Variants in NADK2 observed in about 807,000 individuals in gnomAD.
NADK2 encodes NAD kinase domain-containing protein 1, mitochondrial.
In NADK2, 35 loss-of-function variants were observed where a neutral mutation model predicts 62.1. That is an observed-to-expected ratio of 0.56 (90% CI 0.43 to 0.75). NADK2 has a LOEUF of 0.75. NADK2 is among the 30% of genes least tolerant of loss of function. The pLI is 0.00. For synonymous variants in NADK2, 205 were observed against 207.9 expected (o/e 0.99, Z 0.12); for missense variants, 439 against 561.3 (o/e 0.78, Z 2.20).
At chr5:36,209,205 C>G (rs1293716791) in intron 7 of NADK2, among the ~76,000 whole-genome samples, 1 of 152,058 alleles carries the variant, frequency 6.6e-6, no homozygotes, top group Non-Finnish European at 1.5e-5. Context: ...CATCAAAGAA[C>G]ACAAAAAGCA....
rs761705765 is a variant in NADK2, at chr5:36,195,196, G to A, written c.1277C>T (p.Ser426Leu). ...CTCATCTTCTTTATTGATCATCATC[G>A]AAGCAATTGCACCATCATTAAACTC... The part of the protein sequence containing the change: ...SFEFNDGAIA[S>L]MMINKEDELR... Residue 426 changes from serine to leucine, a missense_variant, in exon 12 of 12, where the codon TCG becomes TTG. By Grantham distance (145) the Ser-to-Leu change is moderately radical. Coordinates refer to ENST00000381937, the MANE Select transcript of NADK2 (RefSeq NM_001085411.3). 66 of 1,612,966 alleles carry A rather than the reference G, an allele frequency of 4.1e-5. No individual in the cohort carries two copies. Among genetic ancestry groups the A allele is most frequent in the Non-Finnish European group, 4.9e-5 (58 of 1,179,606 alleles).
intron 7 of NADK2, chr5:36,208,491 A>T: frequency 1.6e-6 from 1 of 624,960 alleles, no homozygotes; most frequent in Admixed American, 2.9e-5. Context: ...AAGTACAGTC[A>T]GGTGAGAGAT....
chr5:36,235,033 G>A (rs1424031246), intron 1 of NADK2, among the ~76,000 whole-genome samples: 1 of 152,028 alleles, frequency 6.6e-6, no homozygotes, highest in Admixed American at 6.5e-5. Context: ...GTTAGCAGGG[G>A]CTCAAAAAAC....
chr5:36,240,189 C>A (rs542966787), intron 1 of NADK2, among the ~76,000 whole-genome samples: 2 of 152,228 alleles, frequency 1.3e-5, no homozygotes, highest in South Asian at 4.1e-4. Flanking sequence ...CTGTTCAAAC[C>A]CTTTATTCTT....
intron 5 of NADK2, among the ~76,000 whole-genome samples, chr5:36,219,218 T>C (rs528128547): frequency 1.7e-4 from 26 of 152,264 alleles, no homozygotes; most frequent in African/African-American, 5.8e-4. Context: ...TTTTGTGTGT[T>C]TGTTTGTTTT....
At chr5:36,208,577 A>C in intron 7 of NADK2, 1 of 1,305,020 alleles carries the variant, frequency 7.7e-7, no homozygotes, top group Non-Finnish European at 1.1e-6. Flanking sequence ...AGTTCATAGA[A>C]TTTTTGTTTC....
chr5:36,226,414 G>C, intron 3 of NADK2, 61 bp downstream of exon 3: 1 of 1,316,626 alleles, frequency 7.6e-7, no homozygotes, highest in Non-Finnish European at 1.1e-6. Context: ...TAGGGTATCT[G>C]GAAATAATGT....
intron 1 of NADK2, among the ~76,000 whole-genome samples, chr5:36,231,822 G>A (rs1747719934): frequency 6.6e-6 from 1 of 152,106 alleles, no homozygotes; most frequent in African/African-American, 2.4e-5. Context: ...AAAGGTTAGA[G>A]AAATTACTGA....
At position 36,203,664 on chromosome 5, in the gene NADK2, C is replaced by T. The variant is rs557520240; in HGVS notation, c.957-2503G>A. 2.6e-5 allele frequency among the ~76,000 whole-genome samples: 4 copies of T among 152,222 alleles called. No homozygotes were observed. The East Asian group carries it at 7.7e-4, about 29-fold the overall frequency. On this transcript the variant is annotated intron_variant, in intron 8 of 11. Transcript: ENST00000381937. ...GCAACATCAACACAGGACTCAACTA[C>T]TGGGTGCATGTGGGAGGCGAGGAAT...
At chr5:36,207,582 T>C (rs542790720) in intron 7 of NADK2, among the ~76,000 whole-genome samples, 2 of 152,236 alleles carry the variant, frequency 1.3e-5, no homozygotes, top group Non-Finnish European at 2.9e-5. Context: ...GAATCTAACA[T>C]ATACAGAGCC....
At chr5:36,234,286 T>C (rs868415471) in intron 1 of NADK2, among the ~76,000 whole-genome samples, 48 of 140,422 alleles carry the variant, frequency 3.4e-4, no homozygotes, top group African/African-American at 1.3e-3. Flanking sequence ...GGCAGGAGAA[T>C]GGCGTGAACC....
intron 9 of NADK2, 104 bp downstream of exon 9, chr5:36,201,002 A>AT: frequency 1.1e-6 from 1 of 890,898 alleles, no homozygotes; most frequent in East Asian, 2.4e-5. Context: ...AATGCATAGT[A>AT]TAAGGGTTTG....
intron 1 of NADK2, among the ~76,000 whole-genome samples, chr5:36,237,671 G>T (rs1028968450): frequency 6.6e-6 from 1 of 152,172 alleles, no homozygotes; most frequent in Non-Finnish European, 1.5e-5. Flanking sequence ...GACAAGAAGT[G>T]ATCAGAAGTG....
At chr5:36,240,533 A>T (rs1248369961) in intron 1 of NADK2, among the ~76,000 whole-genome samples, 1 of 152,094 alleles carries the variant, frequency 6.6e-6, no homozygotes, top group Non-Finnish European at 1.5e-5. Flanking sequence ...CAATTAAGAG[A>T]TTTCCAATAT....
chr5:36,237,976 A>C (rs1284719174), intron 1 of NADK2, among the ~76,000 whole-genome samples: 1 of 152,168 alleles, frequency 6.6e-6, no homozygotes, highest in Admixed American at 6.5e-5. Flanking sequence ...TGGAGTTCCA[A>C]GCAAAAGAGA....
chr5:36,195,330 G>T, intron 11 of NADK2, 48 bp from the exon 12 acceptor site: 2 of 1,524,392 alleles, frequency 1.3e-6, no homozygotes, highest in Admixed American at 2.2e-5. Context: ...TTTCTTAATA[G>T]GTTATTTTAA....
chr5:36,231,969 A>G (rs1234618324), intron 1 of NADK2, among the ~76,000 whole-genome samples: 1 of 152,166 alleles, frequency 6.6e-6, no homozygotes, highest in African/African-American at 2.4e-5. Flanking sequence ...TCACCAGGAC[A>G]CTTGGAAAAA....
In NADK2 at chr5:36,196,039, A is replaced by T. The variant is rs543984135; in HGVS notation, c.1191-757T>A. 8.4e-3 allele frequency among the ~76,000 whole-genome samples: 1,285 copies of T among 152,272 alleles called. 19 individuals are homozygous for T. Among genetic ancestry groups the T allele is most frequent in the African/African-American group, 0.03 (1,237 of 41,560 alleles). On this transcript the variant is annotated intron_variant, in intron 11 of 11. Transcript: ENST00000381937. ...CTGTTATATGAAAACACCAAAATTTATATCTCTCTTCTACTATTCATGGAC... is the reference window on the plus strand; with the variant it reads ...CTGTTATATGAAAACACCAAAATTTTTATCTCTCTTCTACTATTCATGGAC...
At chr5:36,230,340 A>C (rs182396165) in intron 1 of NADK2, among the ~76,000 whole-genome samples, 1 of 152,238 alleles carries the variant, frequency 6.6e-6, no homozygotes, top group Non-Finnish European at 1.5e-5. Flanking sequence ...CTGGGGTGCC[A>C]GGACTGCTGA....
Sources: allele counts gnomAD v4.1 joint callset (sites outside exome capture counted in the v4.1 genomes callset), GRCh38; gene constraint gnomAD v4.1.1; transcripts MANE v1.5; gene names NCBI Gene and HGNC (gene_info 2026-07-23, HGNC 2026-07-21).